The following ATP8A1 variants were observed in gnomAD, a reference collection of about 807,000 sequenced individuals.
The protein encoded by ATP8A1 is phospholipid-transporting ATPase IA.
A neutral mutation model predicts 177.7 loss-of-function variants in ATP8A1; 90 were observed. The observed-to-expected ratio is 0.51, with a 90% CI of 0.43 to 0.60. The LOEUF (loss-of-function observed/expected upper bound fraction) is 0.60. Among genes scored for constraint, ATP8A1 ranks in the 20% least tolerant of loss-of-function variants. The pLI is 0.00. For synonymous variants in ATP8A1, 493 were observed against 485.9 expected, an observed-to-expected ratio of 1.01 and a Z score of -0.19; for missense variants, 1,072 against 1,392.8, an observed-to-expected ratio of 0.77 and a Z score of 3.67.
chr4:42,600,857 G>A (rs749735249), intron 5 of ATP8A1, among the ~76,000 whole-genome samples: 1 of 152,074 alleles, frequency 6.6e-6, no homozygotes, highest in Non-Finnish European at 1.5e-5. Flanking sequence ...AAACATTTCA[G>A]ATGCTACAAG....
At chr4:42,655,902 G>A (rs1354265973) in intron 1 of ATP8A1, among the ~76,000 whole-genome samples, 1 of 152,202 alleles carries the variant, frequency 6.6e-6, no homozygotes, top group Non-Finnish European at 1.5e-5. Context: ...TGGCAAGATA[G>A]ATTTCTGAAA....
At chr4:42,596,980 CTT>C (rs1472602266) in intron 6 of ATP8A1, among the ~76,000 whole-genome samples, 1 of 152,128 alleles carries the variant, frequency 6.6e-6, no homozygotes, top group Non-Finnish European at 1.5e-5. Flanking sequence ...GATTACCATA[CTT>C]TCTTTTAAAA....
intron 33 of ATP8A1, among the ~76,000 whole-genome samples, chr4:42,438,991 A>G (rs140183180): frequency 3.9e-4 from 59 of 152,250 alleles, no homozygotes; most frequent in African/African-American, 1.3e-3. Context: ...CTTTCAACAC[A>G]TTGAGAGAAA....
At chr4:42,557,320 T>C (rs1362557613) in intron 15 of ATP8A1, among the ~76,000 whole-genome samples, 1 of 152,206 alleles carries the variant, frequency 6.6e-6, no homozygotes, top group African/African-American at 2.4e-5. Context: ...ATAGCATATA[T>C]TTATCCTCCA....
rs1741717533 is a variant in ATP8A1, at chr4:42,657,048, G to C, written c.-175C>G. ...CGGCCCCCGCACGCCGACAGGAGGA[G>C]GAGAAAGGCAGCGGTGGCGGCGAAG... On this transcript the variant is annotated 5_prime_UTR_variant, in exon 1 of 37. Coordinates refer to ENST00000381668, the MANE Select transcript of ATP8A1 (RefSeq NM_006095.2). 3.6e-6 allele frequency: 2 copies of C among 554,212 alleles called. No homozygotes were observed. Among genetic ancestry groups the C allele is most frequent in the East Asian group, 7.1e-5 (2 of 28,138 alleles). 34.3% of individuals were successfully genotyped at this position (554,212 alleles called of 1,614,324 possible).
chr4:42,635,173 A>G (rs1404265944), intron 1 of ATP8A1, among the ~76,000 whole-genome samples: 1 of 151,826 alleles, frequency 6.6e-6, no homozygotes, highest in Admixed American at 6.6e-5. Context: ...TTTTTTTTTA[A>G]CAAAATTGTC....
At chr4:42,590,517 C>A (rs1009589965) in intron 7 of ATP8A1, among the ~76,000 whole-genome samples, 1 of 151,942 alleles carries the variant, frequency 6.6e-6, no homozygotes, top group Non-Finnish European at 1.5e-5. Context: ...TTATTAAATA[C>A]GAATATATAT....
intron 20 of ATP8A1, among the ~76,000 whole-genome samples, 198 bp from the exon 21 acceptor site, chr4:42,525,045 A>G (rs1217992413): frequency 6.6e-6 from 1 of 152,216 alleles, no homozygotes; most frequent in Non-Finnish European, 1.5e-5. Context: ...TTGCATCTTC[A>G]TCTTTCCTCT....
intron 20 of ATP8A1, among the ~76,000 whole-genome samples, chr4:42,532,711 A>C (rs1727398919): frequency 6.6e-6 from 1 of 152,208 alleles, no homozygotes; most frequent in Non-Finnish European, 1.5e-5. Context: ...GTGAATTGTC[A>C]GGCCTCTGAG....
chr4:42,546,937 G>T (rs1009652517), intron 19 of ATP8A1, among the ~76,000 whole-genome samples: 4 of 152,034 alleles, frequency 2.6e-5, no homozygotes, highest in Admixed American at 1.3e-4. Context: ...TTACCCTCAT[G>T]GCTTAATCTT....
At chr4:42,514,165 T>C (rs1018610247) in intron 22 of ATP8A1, among the ~76,000 whole-genome samples, 1 of 152,204 alleles carries the variant, frequency 6.6e-6, no homozygotes, top group African/African-American at 2.4e-5. Flanking sequence ...AAGAAATAGA[T>C]TTTAACTTGG....
At chr4:42,499,851 T>C (rs968459864) in intron 24 of ATP8A1, among the ~76,000 whole-genome samples, 7 of 152,186 alleles carry the variant, frequency 4.6e-5, no homozygotes, top group African/African-American at 1.7e-4. Flanking sequence ...CTCTAGTGCT[T>C]AGCTCACATT....
At chr4:42,545,128 C>G (rs1728765112) in intron 19 of ATP8A1, among the ~76,000 whole-genome samples, 1 of 149,210 alleles carries the variant, frequency 6.7e-6, no homozygotes. Context: ...CCACTGCACT[C>G]CAGCCTGGGT....
chr4:42,476,146 A>G (rs538221592), intron 25 of ATP8A1, among the ~76,000 whole-genome samples: 45 of 152,350 alleles, frequency 3.0e-4, no homozygotes, highest in African/African-American at 1.1e-3. Context: ...TGAGCACTAC[A>G]GCACAGGGCA....
intron 19 of ATP8A1, among the ~76,000 whole-genome samples, chr4:42,545,887 T>C (rs1296704381): frequency 2.6e-5 from 4 of 152,046 alleles, no homozygotes; most frequent in African/African-American, 7.2e-5. Context: ...GGCATGAGAA[T>C]AGCTTGAACC....
intron 25 of ATP8A1, chr4:42,472,223 G>T: frequency 1.7e-6 from 1 of 587,102 alleles, no homozygotes. Context: ...GTGGGCAAGA[G>T]AATCTGTGTG....
chr4:42,519,059 G>C (rs951254514), intron 22 of ATP8A1, among the ~76,000 whole-genome samples: 1 of 152,112 alleles, frequency 6.6e-6, no homozygotes, highest in Non-Finnish European at 1.5e-5. Flanking sequence ...AAACAGCTTG[G>C]TCACAAAGAT....
chr4:42,583,570 A>C (rs1307357404), intron 9 of ATP8A1, among the ~76,000 whole-genome samples: 1 of 152,094 alleles, frequency 6.6e-6, no homozygotes, highest in African/African-American at 2.4e-5. Flanking sequence ...AAAACATACC[A>C]CTTTTCAATT....
chr4:42,578,469 T>C lies in ATP8A1; in HGVS notation c.1001-82A>G, dbSNP rs1732697116. ...CCCCAAATTAGCATAATACAAGTTT[T>C]CCATACTACGCAGCTTATTTGATAA... On this transcript the variant is annotated intron_variant, in intron 11 of 36. Coordinates refer to ENST00000381668, the MANE Select transcript of ATP8A1 (RefSeq NM_006095.2). 4.1e-6 allele frequency: 6 copies of C among 1,474,418 alleles called. No individual in the cohort carries two copies. In the Admixed American group the frequency reaches 1.2e-4, roughly 29 times the overall value. 91.3% of individuals were successfully genotyped at this position (1,474,418 alleles called of 1,614,324 possible). A position where few individuals can be genotyped will look rare whatever the true frequency, so the allele number is the denominator to read the frequency against.
Sources: allele counts gnomAD v4.1 joint callset (sites outside exome capture counted in the v4.1 genomes callset), GRCh38; gene constraint gnomAD v4.1.1; transcripts MANE v1.5; gene names NCBI Gene and HGNC (gene_info 2026-07-23, HGNC 2026-07-21).